CD163L1: variants seen among roughly 807,000 people sequenced by gnomAD.
CD163L1 encodes CD163 molecule like 1.
Under a neutral mutation model 165.4 loss-of-function variants are expected in CD163L1, and 124 were observed. That is an observed-to-expected ratio of 0.75 (90% CI 0.65 to 0.87). The LOEUF (loss-of-function observed/expected upper bound fraction) is 0.87, where lower values mean the gene tolerates loss of function less well. Among genes scored for constraint, CD163L1 ranks in the 40% least tolerant of loss-of-function variants. The pLI is 0.00. For synonymous variants in CD163L1, 585 were observed against 662.2 expected (o/e 0.88, Z 1.79); for missense variants, 1,525 against 1,799.9 (o/e 0.85, Z 2.76).
At chr12:7,406,505 A>T in intron 5 of CD163L1, 27 bp downstream of exon 5, 1 of 1,597,848 alleles carries the variant, frequency 6.3e-7, no homozygotes, top group East Asian at 2.2e-5. Flanking sequence ...ATTTTATCTG[A>T]TGTAATCATG....
intron 8 of CD163L1, among the ~76,000 whole-genome samples, chr12:7,389,946 TTATATATATATATTTA>T (rs1565789477): frequency 7.9e-6 from 1 of 126,836 alleles, no homozygotes; most frequent in African/African-American, 3.3e-5. Flanking sequence ...ATTAAACATT[TTATATATATATATTTA>T]TATATATATA....
chr12:7,395,272 G>T (rs1591921097), intron 8 of CD163L1, among the ~76,000 whole-genome samples: 1 of 152,248 alleles, frequency 6.6e-6, no homozygotes, highest in African/African-American at 2.4e-5. Flanking sequence ...CCATAAAAAA[G>T]GATGAGTTCA....
At position 7,398,675 on chromosome 12, in the gene CD163L1, C is replaced by T; in HGVS notation, c.1409-91G>A. 1 of 1,112,472 alleles carries T rather than the reference C, an allele frequency of 9.0e-7. No homozygotes were observed. Among genetic ancestry groups the T allele is most frequent in the South Asian group, 2.1e-5 (1 of 47,998 alleles). 68.9% of individuals were successfully genotyped at this position (1,112,472 alleles called of 1,614,324 possible). ...ACTCTCTAAATTCACGACTATAAGGCTTTGCCTAACAGGTGATATATTAGG... is the reference window on the plus strand; with the variant it reads ...ACTCTCTAAATTCACGACTATAAGGTTTTGCCTAACAGGTGATATATTAGG... On this transcript the variant is annotated intron_variant, in intron 6 of 19. Coordinates refer to ENST00000313599, the MANE Select transcript of CD163L1 (RefSeq NM_174941.6). This position sits in a 1 kb window ranked among gnomAD's most constrained non-coding sequence, Gnocchi z 4.5.
At chr12:7,318,888 T>C in the CD163L1 span, among the ~76,000 whole-genome samples, 3 of 152,216 alleles carry the variant, frequency 2.0e-5, no homozygotes, top group Admixed American at 6.5e-5. Flanking sequence ...TCTGACAAGA[T>C]GGTTTAAGGC....
At chr12:7,319,013 G>A in the CD163L1 span, among the ~76,000 whole-genome samples, 2 of 152,138 alleles carry the variant, frequency 1.3e-5, no homozygotes, top group Admixed American at 6.5e-5. Context: ...TACATTTATT[G>A]TGTACTTTAT....
At chr12:7,413,380 A>G (rs955511949) in intron 4 of CD163L1, among the ~76,000 whole-genome samples, 4 of 152,148 alleles carry the variant, frequency 2.6e-5, no homozygotes, top group Non-Finnish European at 5.9e-5. Context: ...ACAGCGGAAT[A>G]ATCTGGGGAC....
At chr12:7,399,362 TTCTC>T (rs1037361542) in intron 6 of CD163L1, among the ~76,000 whole-genome samples, 1 of 80,590 alleles carries the variant, frequency 1.2e-5, no homozygotes, top group East Asian at 4.2e-4. Flanking sequence ...TCTCTCTTCT[TTCTC>T]TTTCTTTCTC....
chr12:7,389,265 T>G (rs898261834), intron 8 of CD163L1, among the ~76,000 whole-genome samples: 1 of 152,232 alleles, frequency 6.6e-6, no homozygotes, highest in East Asian at 1.9e-4. Context: ...TCACCAACAT[T>G]TGTTATTGCC....
In CD163L1 at chr12:7,367,211, G is replaced by C. The variant is rs779767928; in HGVS notation, c.4279+25C>G. On this transcript the variant is annotated intron_variant, in intron 18 of 19. Transcript: ENST00000313599. ...CTCATATTCCCACCCTCTCCATGGAGTGCGGCCCCTGGAGTTGCACAGACC... is the reference window on the plus strand; with the variant it reads ...CTCATATTCCCACCCTCTCCATGGACTGCGGCCCCTGGAGTTGCACAGACC... The C allele has an allele frequency of 2.8e-6, 4 of 1,439,744 alleles. 1 individual carries two copies. The South Asian group carries it at 3.6e-5, about 13-fold the overall frequency. 89.2% of individuals were successfully genotyped at this position (1,439,744 alleles called of 1,614,324 possible).
At chr12:7,423,073 T>C (rs1948469190) in intron 4 of CD163L1, among the ~76,000 whole-genome samples, 2 of 152,028 alleles carry the variant, frequency 1.3e-5, no homozygotes, top group South Asian at 4.1e-4. Flanking sequence ...GACCTCATAA[T>C]TGGAAATAAA....
intron 17 of CD163L1, 188 bp from the exon 18 acceptor site, chr12:7,367,519 A>G: frequency 2.2e-6 from 1 of 449,086 alleles, no homozygotes; most frequent in Admixed American, 3.4e-5. Flanking sequence ...CTCCCTTGAT[A>G]TTCTTCCACT....
intron 4 of CD163L1, among the ~76,000 whole-genome samples, chr12:7,425,829 A>T (rs910006618): frequency 1.3e-5 from 2 of 151,280 alleles, no homozygotes; most frequent in African/African-American, 4.8e-5. Context: ...GAAACAACAG[A>T]TGCTGGCGAG....
chr12:7,328,345 T>C, the CD163L1 span: 1 of 1,594,584 alleles, frequency 6.3e-7, no homozygotes, highest in East Asian at 2.3e-5. Flanking sequence ...CGCAACGTTT[T>C]AAGAGACCAA....
the CD163L1 span, among the ~76,000 whole-genome samples, chr12:7,335,112 G>A: frequency 6.6e-6 from 1 of 152,148 alleles, no homozygotes; most frequent in South Asian, 2.1e-4. Context: ...AGCTACCAAT[G>A]ACTTTCTTCA....
chr12:7,357,692 CAAATA>C, intron 18 of CD163L1: 1 of 349,436 alleles, frequency 2.9e-6, no homozygotes. Context: ...GTTACCAAAA[CAAATA>C]ATACAACTTT....
At chr12:7,441,488 A>T (rs191350596) in intron 1 of CD163L1, among the ~76,000 whole-genome samples, 45 of 152,318 alleles carry the variant, frequency 3.0e-4, no homozygotes, top group Non-Finnish European at 5.0e-4. Flanking sequence ...GATTCATTGA[A>T]AAATTGCATT....
intron 8 of CD163L1, among the ~76,000 whole-genome samples, chr12:7,393,224 A>T (rs1947696363): frequency 6.6e-6 from 1 of 152,206 alleles, no homozygotes; most frequent in African/African-American, 2.4e-5. Context: ...CCTATCCACC[A>T]CGGTCAAGTT....
chr12:7,439,028 T>A, intron 2 of CD163L1: 57 of 1,606,204 alleles, frequency 3.5e-5, no homozygotes, highest in Non-Finnish European at 4.8e-5. Flanking sequence ...GACATCGGTA[T>A]CCTCCTCAGC....
At chr12:7,403,923 C>T in intron 5 of CD163L1, 68 bp from the exon 6 acceptor site, 1 of 1,264,402 alleles carries the variant, frequency 7.9e-7, no homozygotes, top group Non-Finnish European at 1.1e-6. Flanking sequence ...CCCTCTCCTC[C>T]AACCCCTCCA....
Sources: gnomAD v4.1 joint callset for allele counts (sites outside exome capture counted in the v4.1 genomes callset) on GRCh38, gnomAD v4.1.1 for gene constraint, Gnocchi (gnomAD v3.1) non-coding constraint, MANE v1.5 for transcripts, NCBI Gene and HGNC (gene_info 2026-07-23, HGNC 2026-07-21) for gene names.